The following SDK1 variants were observed in gnomAD, a reference collection of about 807,000 sequenced individuals.
SDK1 encodes sidekick cell adhesion molecule 1, also known as protein sidekick-1.
A neutral mutation model predicts 245.5 loss-of-function variants in SDK1; 157 were observed. The observed-to-expected ratio is 0.64, with a 90% CI of 0.56 to 0.73. The LOEUF is 0.73. SDK1 is among the 30% of genes least tolerant of loss of function. The probability of loss-of-function intolerance (pLI) is 0.00; values close to 1 mark genes in which losing one functional copy is unlikely to be tolerated. For missense variants in SDK1, 3,583 were observed against 3,002.3 expected (o/e 1.19, Z -4.52); for synonymous variants, 1,647 against 1,278.5 (o/e 1.29, Z -6.15).
intron 1 of SDK1, among the ~76,000 whole-genome samples, chr7:3,529,985 C>G (rs541646434): frequency 6.6e-6 from 1 of 152,022 alleles, no homozygotes; most frequent in South Asian, 2.1e-4. Flanking sequence ...TGATAAGTAC[C>G]TTTGTGGATA....
intron 4 of SDK1, among the ~76,000 whole-genome samples, chr7:3,648,817 G>A (rs940793487): frequency 2.0e-5 from 3 of 152,098 alleles, no homozygotes; most frequent in Non-Finnish European, 2.9e-5. Flanking sequence ...GAGTAGATAC[G>A]GGTTCCAGGC....
rs572107944 is a variant in SDK1 at position 3,710,937 on chromosome 7, T to A, written c.713+68832T>A. ...AGGCAGTAATACAAAGATTTTTCTC[T>A]AAAATACAAAGTGTATTTGAAAGCT... On this transcript the variant is annotated intron_variant, in intron 4 of 44. Coordinates refer to ENST00000404826, the MANE Select transcript of SDK1 (RefSeq NM_152744.4). Among the ~76,000 whole-genome samples, 5 of 152,366 alleles carry A rather than the reference T, an allele frequency of 3.3e-5. No individual in the cohort carries two copies. The East Asian group carries it at 9.6e-4, about 29-fold the overall frequency.
chr7:3,995,189 G>A (rs930588384), intron 14 of SDK1, among the ~76,000 whole-genome samples: 3 of 152,090 alleles, frequency 2.0e-5, no homozygotes, highest in African/African-American at 2.4e-5. Flanking sequence ...GCATTCCTCC[G>A]GATTCCCTGG....
intron 5 of SDK1, among the ~76,000 whole-genome samples, chr7:3,824,630 G>C (rs939104255): frequency 2.0e-5 from 3 of 152,164 alleles, no homozygotes; most frequent in African/African-American, 4.8e-5. Context: ...GTGATGCGCT[G>C]TCACCCAGCT....
intron 35 of SDK1, among the ~76,000 whole-genome samples, chr7:4,186,853 G>T (rs570382498): frequency 6.6e-6 from 1 of 152,116 alleles, no homozygotes; most frequent in African/African-American, 2.4e-5. Context: ...GGAGGAAGGC[G>T]CCCCTCCTAG....
chr7:4,130,698 A>C (rs989561904), intron 27 of SDK1, among the ~76,000 whole-genome samples: 4 of 152,154 alleles, frequency 2.6e-5, no homozygotes, highest in Non-Finnish European at 5.9e-5. Context: ...GTTTTCATGG[A>C]ACTCTAAATC....
At chr7:3,841,374 TGC>T (rs1780153206) in intron 5 of SDK1, among the ~76,000 whole-genome samples, 3 of 152,148 alleles carry the variant, frequency 2.0e-5, no homozygotes, top group African/African-American at 7.2e-5. Context: ...CAAGCCCCGT[TGC>T]AGAGTTGCAG....
At chr7:3,931,246 C>T (rs918746194) in intron 5 of SDK1, among the ~76,000 whole-genome samples, 5 of 152,178 alleles carry the variant, frequency 3.3e-5, no homozygotes, top group Non-Finnish European at 5.9e-5. Flanking sequence ...CACAACCAAA[C>T]ACTTAAAAGT....
chr7:3,939,649 A>G (rs1780284320), intron 5 of SDK1, among the ~76,000 whole-genome samples: 1 of 152,154 alleles, frequency 6.6e-6, no homozygotes, highest in African/African-American at 2.4e-5. Context: ...ATAATAATGT[A>G]TCTGGGTTCT....
intron 27 of SDK1, chr7:4,130,434 C>T (rs983422613): frequency 3.7e-5 from 11 of 293,646 alleles, no homozygotes; most frequent in African/African-American, 2.2e-4. Context: ...CCACACACTT[C>T]GTGTAGTGCC....
intron 1 of SDK1, among the ~76,000 whole-genome samples, chr7:3,505,854 T>A (rs1351420713): frequency 2.0e-5 from 3 of 152,220 alleles, no homozygotes; most frequent in East Asian, 3.9e-4. Flanking sequence ...TGGGAGGTCC[T>A]GGAACCAATC....
chr7:3,642,218 T>C, intron 4 of SDK1, 113 bp downstream of exon 4: 1 of 958,938 alleles, frequency 1.0e-6, no homozygotes, highest in East Asian at 2.6e-5. Context: ...AAGAGCAAAC[T>C]AGTCTAGGAG....
At chr7:3,565,954 A>G (rs1290976263) in intron 1 of SDK1, among the ~76,000 whole-genome samples, 1 of 152,212 alleles carries the variant, frequency 6.6e-6, no homozygotes, top group Non-Finnish European at 1.5e-5. Flanking sequence ...GAGTCAATTT[A>G]TTCTAGTAGT....
chr7:3,733,537 G>A (rs1018399372), intron 4 of SDK1, among the ~76,000 whole-genome samples: 2 of 152,176 alleles, frequency 1.3e-5, no homozygotes, highest in African/African-American at 4.8e-5. Flanking sequence ...AGTGACTGTA[G>A]ACGTGTGGCA....
chr7:4,071,084 G>A (rs1467265517), intron 20 of SDK1, among the ~76,000 whole-genome samples: 1 of 151,988 alleles, frequency 6.6e-6, no homozygotes, highest in Admixed American at 6.6e-5. Context: ...GGAGTGCAGT[G>A]GTGTGATCTT....
chr7:3,947,570 AT>A (rs1491181250), intron 5 of SDK1, among the ~76,000 whole-genome samples: 1 of 103,160 alleles, frequency 9.7e-6, no homozygotes, highest in Non-Finnish European at 2.1e-5. Context: ...GTGTGTGTGT[AT>A]TTTTTTGTAA....
chr7:3,942,155 C>G (rs1399809321), intron 5 of SDK1, among the ~76,000 whole-genome samples: 2 of 152,168 alleles, frequency 1.3e-5, no homozygotes, highest in Admixed American at 6.5e-5. Flanking sequence ...ATCCGCCCAC[C>G]CAAGCCTCCC....
chr7:4,054,573 C>T (rs1779087700), intron 19 of SDK1, among the ~76,000 whole-genome samples: 1 of 152,190 alleles, frequency 6.6e-6, no homozygotes, highest in Admixed American at 6.5e-5. Flanking sequence ...TAGCCACACC[C>T]ACCTTCCTCC....
At chr7:4,164,190 G>A (rs887439808) in intron 32 of SDK1, among the ~76,000 whole-genome samples, 2 of 152,226 alleles carry the variant, frequency 1.3e-5, no homozygotes, top group South Asian at 2.1e-4. Flanking sequence ...CACGAAAACA[G>A]CCTGGGCCCC....
Sources: allele counts gnomAD v4.1 joint callset (sites outside exome capture counted in the v4.1 genomes callset), GRCh38; gene constraint gnomAD v4.1.1; transcripts MANE v1.5; gene names NCBI Gene and HGNC (gene_info 2026-07-23, HGNC 2026-07-21).